Variants in KCNN2 observed in about 807,000 individuals in gnomAD.
KCNN2 encodes small conductance calcium-activated potassium channel protein 2.
A neutral mutation model predicts 55.5 loss-of-function variants in KCNN2; 24 were observed. The observed-to-expected ratio is 0.43, with a 90% CI of 0.31 to 0.61. The LOEUF (loss-of-function observed/expected upper bound fraction) is 0.61. Ranked by LOEUF, KCNN2 falls within the 20% of genes least tolerant of loss-of-function variation. KCNN2 has a pLI of 0.08. For missense variants in KCNN2, 754 were observed against 853.6 expected, an observed-to-expected ratio of 0.88 and a Z score of 1.45; for synonymous variants, 431 against 336.1, an observed-to-expected ratio of 1.28 and a Z score of -3.09.
chr5:114,231,231 G>A (rs1362754410), intron 2 of KCNN2, among the ~76,000 whole-genome samples: 1 of 61,520 alleles, frequency 1.6e-5, no homozygotes, highest in African/African-American at 7.2e-5. Context: ...CCATGTTGTA[G>A]GTTGCCTGTT....
intron 7 of KCNN2, among the ~76,000 whole-genome samples, chr5:114,494,500 C>T (rs769420594): frequency 1.3e-5 from 2 of 151,268 alleles, no homozygotes; most frequent in Non-Finnish European, 2.9e-5. Context: ...AGGACATCCT[C>T]GATTAACGTG....
At chr5:114,222,443 C>A (rs1188108600) in intron 2 of KCNN2, among the ~76,000 whole-genome samples, 1 of 152,148 alleles carries the variant, frequency 6.6e-6, no homozygotes, top group Non-Finnish European at 1.5e-5. Flanking sequence ...GGGCCTTCCC[C>A]AAAATACTTT....
At chr5:114,469,055 G>C (rs559634979) in intron 4 of KCNN2, among the ~76,000 whole-genome samples, 2 of 152,306 alleles carry the variant, frequency 1.3e-5, no homozygotes, top group South Asian at 2.1e-4. Flanking sequence ...GAAGAATACA[G>C]TGGAGAAAAA....
Position 114,330,418 on chromosome 5 carries a change from T to C in KCNN2, c.-184-30527T>C, listed in dbSNP as rs73779798. 5.4e-4 allele frequency among the ~76,000 whole-genome samples: 82 copies of C among 152,356 alleles called. 1 individual carries two copies. The highest frequency in any genetic ancestry group is 1.8e-3 in the African/African-American group (76 of 41,580). On this transcript the variant is annotated intron_variant, in intron 2 of 10. Coordinates refer to the KCNN2 transcript ENST00000512097. The stretch of plus-strand genomic sequence containing the variant: ...TACGCAGACTTAATTTACATACTTA[T>C]TACATTTCTGAAAGTTAGACTGTAA...
chr5:114,211,936 G>A (rs1753895169), intron 1 of KCNN2, among the ~76,000 whole-genome samples: 2 of 150,942 alleles, frequency 1.3e-5, no homozygotes, highest in South Asian at 4.2e-4. Flanking sequence ...ATTAAAATAA[G>A]TATTAAAATA....
At chr5:114,077,738 G>T (rs1214294901) in intron 1 of KCNN2, among the ~76,000 whole-genome samples, 2 of 152,202 alleles carry the variant, frequency 1.3e-5, no homozygotes, top group East Asian at 1.9e-4. Context: ...GAGCATTAGA[G>T]CAGTTACACT....
chr5:114,132,614 G>A (rs1752094765), intron 1 of KCNN2, among the ~76,000 whole-genome samples: 1 of 152,142 alleles, frequency 6.6e-6, no homozygotes, highest in South Asian at 2.1e-4. Context: ...GGTTTTTAAA[G>A]AAGCATAGAC....
chr5:114,206,152 G>A (rs1259917208), intron 1 of KCNN2, among the ~76,000 whole-genome samples: 2 of 152,132 alleles, frequency 1.3e-5, no homozygotes, highest in African/African-American at 4.8e-5. Context: ...AGTAAAATAT[G>A]TCTAAAAGAC....
intron 1 of KCNN2, among the ~76,000 whole-genome samples, chr5:114,098,423 G>A (rs942446373): frequency 6.6e-6 from 1 of 152,040 alleles, no homozygotes; most frequent in African/African-American, 2.4e-5. Context: ...TGGCAGGCAA[G>A]TGAGCATTAC....
chr5:114,451,721 C>A (rs535199127), intron 3 of KCNN2, among the ~76,000 whole-genome samples: 9 of 151,912 alleles, frequency 5.9e-5, no homozygotes, highest in Admixed American at 5.9e-4. Flanking sequence ...ATGGTGAAAC[C>A]CCATCTCTAC....
At chr5:114,139,671 T>C (rs1294905980) in intron 1 of KCNN2, among the ~76,000 whole-genome samples, 3 of 151,456 alleles carry the variant, frequency 2.0e-5, no homozygotes, top group Non-Finnish European at 4.4e-5. Context: ...CAACTTCCCC[T>C]ATGCTTGTAA....
At chr5:114,122,130 A>G (rs927878383) in intron 1 of KCNN2, among the ~76,000 whole-genome samples, 2 of 152,238 alleles carry the variant, frequency 1.3e-5, no homozygotes, top group Admixed American at 6.5e-5. Flanking sequence ...AGGCAGCACA[A>G]TGAATGATGT....
intron 2 of KCNN2, among the ~76,000 whole-genome samples, chr5:114,313,892 T>G (rs1275919745): frequency 6.6e-6 from 1 of 152,148 alleles, no homozygotes; most frequent in Non-Finnish European, 1.5e-5. Context: ...CATGAAATGT[T>G]TTTACGGGCT....
chr5:114,159,264 G>T (rs1015432453), intron 1 of KCNN2, among the ~76,000 whole-genome samples: 2 of 152,142 alleles, frequency 1.3e-5, no homozygotes, highest in Non-Finnish European at 2.9e-5. Flanking sequence ...AGATAATCAT[G>T]TGGTTTTTAC....
rs147611176 is a variant in KCNN2, at chr5:114,085,610, ACT to A, written c.-271+29111_-271+29112del. 7.0e-4 allele frequency among the ~76,000 whole-genome samples: 106 copies of A among 152,156 alleles called. 2 individuals carry two copies. In the East Asian group the frequency reaches 0.019, roughly 28 times the overall value. On this transcript the variant is annotated intron_variant, in intron 1 of 10. Transcript: ENST00000512097. The stretch of plus-strand genomic sequence containing the variant: ...ATAAATTCTGTTGTATAAAAAACAC[ACT>A]GTTTAATTTTAACTTTTTAAAATTT...
intron 1 of KCNN2, among the ~76,000 whole-genome samples, chr5:114,156,949 G>C (rs191195791): frequency 3.0e-4 from 46 of 151,744 alleles, no homozygotes; most frequent in African/African-American, 1.1e-3. Flanking sequence ...GTTTAGTTAT[G>C]TAGTATACCT....
At position 114,362,809 on chromosome 5, in the gene KCNN2, C is replaced by G. The variant is rs766194128; in HGVS notation, c.670C>G (p.Arg224Gly). The change falls in exon 1 of 8, where the codon CGG becomes GGG. Residue 224 changes from arginine (R) to glycine (G), a missense_variant. Physicochemically the swap from Arg to Gly is moderately radical, Grantham distance 125 (BLOSUM62 -2). Around this residue, in one of 4 missense-constraint regions of KCNN2, gnomAD observed 381 missense variants for 259.1 expected, o/e 1.47. Transcript: ENST00000673685. ...CTGCAGGTACAACGGGGGCGTCATG[C>G]GGCCGCTCAGCAACTTGAGCGCGTC... Reference protein sequence around the residue: ...SSCRYNGGVMRPLSNLSASRR... With the variant: ...SSCRYNGGVMGPLSNLSASRR... 1.9e-6 allele frequency: 3 copies of G among 1,597,214 alleles called. No individual in the cohort carries two copies. The East Asian group carries it at 6.7e-5, about 36-fold the overall frequency.
chr5:114,446,062 C>T (rs1760394345), intron 3 of KCNN2, among the ~76,000 whole-genome samples: 4 of 152,220 alleles, frequency 2.6e-5, no homozygotes, highest in Admixed American at 2.6e-4. Context: ...GCCTCCTCCC[C>T]TGGCCCCAGT....
At chr5:114,163,890 CTGAGA>C (rs1467886005) in intron 1 of KCNN2, among the ~76,000 whole-genome samples, 5 of 151,224 alleles carry the variant, frequency 3.3e-5, no homozygotes, top group African/African-American at 1.2e-4. Context: ...CATTCTGCTG[CTGAGA>C]TATTGATGAG....
Sources: gnomAD v4.1 joint callset for allele counts (sites outside exome capture counted in the v4.1 genomes callset) on GRCh38, gnomAD v4.1.1 for gene constraint, gnomAD v4.1.1 regional missense constraint, MANE v1.5 for transcripts, NCBI Gene and HGNC (gene_info 2026-07-23, HGNC 2026-07-21) for gene names.